Variants in TGFBR3 observed in about 807,000 individuals in gnomAD.
TGFBR3 encodes transforming growth factor beta receptor 3.
In TGFBR3, 46 loss-of-function variants were observed where a neutral mutation model predicts 87.9. The observed-to-expected ratio is 0.52, with a 90% CI of 0.41 to 0.67. The LOEUF (loss-of-function observed/expected upper bound fraction) is 0.67. Ranked by LOEUF, TGFBR3 falls within the 30% of genes least tolerant of loss-of-function variation. TGFBR3 has a pLI of 0.00. For synonymous variants in TGFBR3, 381 were observed against 391.6 expected, an observed-to-expected ratio of 0.97 and a Z score of 0.32; for missense variants, 866 against 1,041.9, an observed-to-expected ratio of 0.83 and a Z score of 2.32.
chr1:91,801,976 G>C (rs908977270), intron 2 of TGFBR3, among the ~76,000 whole-genome samples: 1 of 152,068 alleles, frequency 6.6e-6, no homozygotes, highest in East Asian at 1.9e-4. Context: ...TTAAGGGAGG[G>C]GACAAAAAGT....
At chr1:91,754,073 G>C (rs1438296984) in intron 4 of TGFBR3, among the ~76,000 whole-genome samples, 1 of 152,090 alleles carries the variant, frequency 6.6e-6, no homozygotes, top group East Asian at 1.9e-4. Context: ...GCATCTCACT[G>C]TGGTTTTCAT....
intron 4 of TGFBR3, among the ~76,000 whole-genome samples, chr1:91,736,561 G>A (rs932249076): frequency 4.0e-5 from 6 of 151,828 alleles, no homozygotes; most frequent in South Asian, 4.2e-4. Context: ...TTGTTTTGAC[G>A]TCGCCTGAAT....
chr1:91,723,480 T>TAAAA lies in TGFBR3; in HGVS notation c.886-1340_886-1337dup, dbSNP rs58578681. On this transcript the variant is annotated intron_variant, in intron 7 of 16. Transcript: ENST00000212355. The stretch of plus-strand genomic sequence containing the variant: ...TGGGTGACAGAGGGAGACCCTGCCT[T>TAAAA]AAAAAAAAAAAAAAAAAAAAAAAAA... Among the ~76,000 whole-genome samples the TAAAA allele has an allele frequency of 2.7e-3, 297 of 109,052 alleles. 8 individuals carry two copies. The highest frequency in any genetic ancestry group is 8.7e-3 in the African/African-American group (230 of 26,520). The allele number at this position is 109,052 out of a possible 152,430, so 71.5% of individuals were successfully genotyped here.
intron 3 of TGFBR3, 136 bp from the exon 4 acceptor site, chr1:91,758,886 A>G: frequency 1.8e-6 from 2 of 1,089,810 alleles, no homozygotes; most frequent in Non-Finnish European, 1.4e-6. Flanking sequence ...GATTCTATGA[A>G]TAAGATACAT....
chr1:91,800,191 A>G (rs1182968804), intron 2 of TGFBR3, among the ~76,000 whole-genome samples: 1 of 149,688 alleles, frequency 6.7e-6, no homozygotes, highest in Non-Finnish European at 1.5e-5. Flanking sequence ...CAGGAGTACA[A>G]AAGCAACCTG....
At chr1:91,801,330 C>T (rs1203039989) in intron 2 of TGFBR3, among the ~76,000 whole-genome samples, 2 of 152,096 alleles carry the variant, frequency 1.3e-5, no homozygotes, top group Admixed American at 6.5e-5. Context: ...CTGAAGTGCC[C>T]GGCCTTGCAG....
chr1:91,817,520 T>A (rs449960), intron 2 of TGFBR3, among the ~76,000 whole-genome samples: 19,567 of 152,252 alleles, frequency 0.13, 1,588 homozygotes, highest in East Asian at 0.38. Context: ...GTTTTCAAAT[T>A]CTGCTTTTTG....
intron 3 of TGFBR3, among the ~76,000 whole-genome samples, chr1:91,768,141 G>T (rs1459214633): frequency 6.6e-6 from 1 of 151,858 alleles, no homozygotes; most frequent in Non-Finnish European, 1.5e-5. Flanking sequence ...AAACCCAGGA[G>T]GCGGAAGTTG....
At chr1:91,737,225 T>C (rs1468016595) in intron 4 of TGFBR3, among the ~76,000 whole-genome samples, 1 of 152,114 alleles carries the variant, frequency 6.6e-6, no homozygotes, top group Non-Finnish European at 1.5e-5. Flanking sequence ...TGCAGTGAGG[T>C]GTCCCTGACT....
At chr1:91,808,466 T>C (rs1024880701) in intron 2 of TGFBR3, among the ~76,000 whole-genome samples, 1 of 152,150 alleles carries the variant, frequency 6.6e-6, no homozygotes, top group African/African-American at 2.4e-5. Flanking sequence ...TTTGGTATTT[T>C]GTTTTGTTTT....
chr1:91,845,248 T>A (rs1455013335), intron 2 of TGFBR3, among the ~76,000 whole-genome samples: 1 of 152,184 alleles, frequency 6.6e-6, no homozygotes, highest in Non-Finnish European at 1.5e-5. Flanking sequence ...TAAAGTAAGA[T>A]TTGGTCTGGG....
intron 1 of TGFBR3, among the ~76,000 whole-genome samples, chr1:91,902,522 A>C (rs915973640): frequency 2.6e-5 from 4 of 151,810 alleles, no homozygotes; most frequent in Admixed American, 6.6e-5. Context: ...GGCTCAAGTG[A>C]TCTTCCTACC....
At chr1:91,775,727 T>C (rs1393559061) in intron 3 of TGFBR3, among the ~76,000 whole-genome samples, 2 of 152,220 alleles carry the variant, frequency 1.3e-5, no homozygotes, top group East Asian at 3.8e-4. Context: ...TTCAACCTAC[T>C]CAAGACATGC....
At chr1:91,764,956 G>A (rs769238462) in intron 3 of TGFBR3, among the ~76,000 whole-genome samples, 1 of 152,140 alleles carries the variant, frequency 6.6e-6, no homozygotes, top group East Asian at 1.9e-4. Flanking sequence ...GATCAAGCTT[G>A]TCCAACCCAC....
At chr1:91,849,227 T>A (rs1252490548) in intron 2 of TGFBR3, among the ~76,000 whole-genome samples, 1 of 152,178 alleles carries the variant, frequency 6.6e-6, no homozygotes, top group Non-Finnish European at 1.5e-5. Context: ...CTTCAGATCA[T>A]ATCATTCTTC....
chr1:91,896,585 A>G (rs4453091), intron 2 of TGFBR3, among the ~76,000 whole-genome samples: 1 of 152,224 alleles, frequency 6.6e-6, no homozygotes, highest in Non-Finnish European at 1.5e-5. Flanking sequence ...AGACCTGTTC[A>G]CATAGAGTAA....
chr1:91,897,400 T>C (rs562164836), intron 2 of TGFBR3, among the ~76,000 whole-genome samples: 2 of 152,368 alleles, frequency 1.3e-5, no homozygotes, highest in South Asian at 2.1e-4. Context: ...GGAAATCTCA[T>C]GTACAAACAC....
At chr1:91,755,897 A>T (rs7526590) in intron 4 of TGFBR3, among the ~76,000 whole-genome samples, 24,577 of 152,138 alleles carry the variant, frequency 0.16, 2,112 homozygotes, top group East Asian at 0.25. Context: ...TATTTCATAA[A>T]TACAGATGCA....
chr1:91,837,571 G>A (rs141665520), intron 2 of TGFBR3, among the ~76,000 whole-genome samples: 5 of 152,058 alleles, frequency 3.3e-5, no homozygotes, highest in African/African-American at 1.2e-4. Context: ...TATGCAACCC[G>A]AGTCTACTTC....
Sources: gnomAD v4.1 joint callset for allele counts (sites outside exome capture counted in the v4.1 genomes callset) on GRCh38, gnomAD v4.1.1 for gene constraint, MANE v1.5 for transcripts, NCBI Gene and HGNC (gene_info 2026-07-23, HGNC 2026-07-21) for gene names.